Variants in ENOX1 observed in about 807,000 individuals in gnomAD.
ENOX1 encodes the protein candidate growth-related and time keeping constitutive hydroquinone (NADH) oxidase.
Under a neutral mutation model 82.5 loss-of-function variants are expected in ENOX1, and 42 were observed. That is an observed-to-expected ratio of 0.51 (90% CI 0.40 to 0.66). The LOEUF (loss-of-function observed/expected upper bound fraction) is 0.66. Ranked by LOEUF, ENOX1 falls within the 30% of genes least tolerant of loss-of-function variation. The probability of loss-of-function intolerance (pLI) is 0.00; values close to 1 mark genes in which losing one functional copy is unlikely to be tolerated. For synonymous variants in ENOX1, 271 were observed against 282.2 expected (o/e 0.96, Z 0.40); for missense variants, 608 against 811.6 (o/e 0.75, Z 3.05).
At chr13:43,564,588 G>T (rs1593843014) in intron 2 of ENOX1, among the ~76,000 whole-genome samples, 1 of 152,212 alleles carries the variant, frequency 6.6e-6, no homozygotes, top group African/African-American at 2.4e-5. Flanking sequence ...TAGTGGGAGT[G>T]CAGTGAAAGG....
intron 2 of ENOX1, among the ~76,000 whole-genome samples, chr13:43,584,023 T>C (rs1430586071): frequency 6.6e-6 from 1 of 152,226 alleles, no homozygotes; most frequent in Non-Finnish European, 1.5e-5. Flanking sequence ...AGTTAGAATC[T>C]GAAAATCAGC....
chr13:43,619,911 A>G (rs973896010), intron 2 of ENOX1, among the ~76,000 whole-genome samples: 1 of 152,042 alleles, frequency 6.6e-6, no homozygotes, highest in East Asian at 1.9e-4. Context: ...TAATCTTTTA[A>G]TTACAATTTG....
intron 9 of ENOX1, among the ~76,000 whole-genome samples, chr13:43,341,834 C>T (rs1297319883): frequency 6.6e-6 from 1 of 152,168 alleles, no homozygotes; most frequent in Non-Finnish European, 1.5e-5. Context: ...ATATTTCTCG[C>T]ATTCTTTGTA....
intron 10 of ENOX1, among the ~76,000 whole-genome samples, chr13:43,324,513 C>T (rs766553362): frequency 5.9e-5 from 9 of 152,224 alleles, no homozygotes; most frequent in Middle Eastern, 6.8e-3. Context: ...CAAGCTTATA[C>T]GCAACTGAGA....
At chr13:43,716,382 G>T (rs937852852) in intron 1 of ENOX1, among the ~76,000 whole-genome samples, 2 of 152,226 alleles carry the variant, frequency 1.3e-5, no homozygotes, top group East Asian at 3.9e-4. Context: ...CGGTGGCTCA[G>T]ATGGAAATGC....
intron 14 of ENOX1, among the ~76,000 whole-genome samples, chr13:43,243,135 C>CA (rs748084568): frequency 0.27 from 21,545 of 80,834 alleles, 2,988 homozygotes; most frequent in Non-Finnish European, 0.35. Context: ...GACTCTGTCT[C>CA]AAAAAAAAAA....
intron 5 of ENOX1, among the ~76,000 whole-genome samples, chr13:43,405,524 C>T (rs1057235777): frequency 2.0e-5 from 3 of 152,200 alleles, no homozygotes; most frequent in African/African-American, 7.2e-5. Context: ...TCTTACCCAT[C>T]CTTCTCTTTC....
chr13:43,248,189 C>T (rs940778757), intron 14 of ENOX1, among the ~76,000 whole-genome samples: 1 of 151,572 alleles, frequency 6.6e-6, no homozygotes, highest in African/African-American at 2.4e-5. Context: ...CCGGCCGCAA[C>T]TTATATTTTT....
chr13:43,241,407 T>C (rs556498891), intron 14 of ENOX1, among the ~76,000 whole-genome samples: 1 of 152,164 alleles, frequency 6.6e-6, no homozygotes, highest in African/African-American at 2.4e-5. Context: ...TGAGTGGGGA[T>C]GGAGTGGGAG....
intron 2 of ENOX1, among the ~76,000 whole-genome samples, chr13:43,495,525 C>T (rs1048581347): frequency 5.9e-5 from 9 of 151,854 alleles, no homozygotes; most frequent in South Asian, 2.1e-4. Flanking sequence ...ATTGTATAAA[C>T]GACTAATAAC....
intron 5 of ENOX1, among the ~76,000 whole-genome samples, chr13:43,366,983 T>C (rs1446752985): frequency 6.6e-6 from 1 of 152,228 alleles, no homozygotes; most frequent in African/African-American, 2.4e-5. Context: ...TATATAAATA[T>C]GTTAGTAACA....
At chr13:43,716,788 C>CAAAA (rs33980324) in intron 1 of ENOX1, among the ~76,000 whole-genome samples, 41 of 147,820 alleles carry the variant, frequency 2.8e-4, no homozygotes, top group Admixed American at 1.5e-3. Flanking sequence ...ACAATACCCA[C>CAAAA]AAAAAAAAAA....
At chr13:43,298,009 T>C (rs1252016692) in intron 12 of ENOX1, among the ~76,000 whole-genome samples, 2 of 152,356 alleles carry the variant, frequency 1.3e-5, no homozygotes, top group South Asian at 4.1e-4. Context: ...AAGTTAAAAG[T>C]TCTAAGATTA....
At chr13:43,422,328 T>C (rs945876111) in intron 3 of ENOX1, among the ~76,000 whole-genome samples, 1 of 152,136 alleles carries the variant, frequency 6.6e-6, no homozygotes, top group African/African-American at 2.4e-5. Flanking sequence ...TCCAGACCCA[T>C]TAAGCAGTAC....
intron 2 of ENOX1, among the ~76,000 whole-genome samples, chr13:43,530,528 C>T (rs955916786): frequency 2.0e-5 from 3 of 152,092 alleles, no homozygotes; most frequent in Non-Finnish European, 4.4e-5. Context: ...AGATATTATG[C>T]AACCCCAGGA....
At chr13:43,299,842 T>C (rs1221782145) in intron 11 of ENOX1, among the ~76,000 whole-genome samples, 1 of 152,130 alleles carries the variant, frequency 6.6e-6, no homozygotes, top group Non-Finnish European at 1.5e-5. Flanking sequence ...GCACACCAGG[T>C]CGTCAGTGCA....
chr13:43,518,246 G>A (rs570156202), intron 2 of ENOX1, among the ~76,000 whole-genome samples: 78 of 152,138 alleles, frequency 5.1e-4, no homozygotes, highest in African/African-American at 1.8e-3. Context: ...CAGGAAGTGT[G>A]TTGTGAGAAC....
At chr13:43,687,918 A>G (rs1406862402) in intron 1 of ENOX1, among the ~76,000 whole-genome samples, 1 of 152,150 alleles carries the variant, frequency 6.6e-6, no homozygotes, top group East Asian at 1.9e-4. Context: ...GATAAGTGAG[A>G]CTTATCCAGG....
At chr13:43,413,685 A>T (rs927094536) in intron 3 of ENOX1, among the ~76,000 whole-genome samples, 4 of 147,298 alleles carry the variant, frequency 2.7e-5, no homozygotes, top group African/African-American at 7.4e-5. Context: ...TGCCCAGCTT[A>T]TATATATATA....
Sources: allele counts gnomAD v4.1 joint callset (sites outside exome capture counted in the v4.1 genomes callset), GRCh38; gene constraint gnomAD v4.1.1; transcripts MANE v1.5; gene names NCBI Gene and HGNC (gene_info 2026-07-23, HGNC 2026-07-21).